Variants in STK39 observed in about 807,000 individuals in gnomAD.
The protein encoded by STK39 is STE20/SPS1-related proline-alanine-rich protein kinase.
A neutral mutation model predicts 77.8 loss-of-function variants in STK39; 20 were observed. That is an observed-to-expected ratio of 0.26 (90% confidence interval 0.18 to 0.37). The LOEUF (loss-of-function observed/expected upper bound fraction) is 0.37. Among genes scored for constraint, STK39 ranks in the 10% least tolerant of loss-of-function variants. The probability of loss-of-function intolerance (pLI) is 1.00; values close to 1 mark genes in which losing one functional copy is unlikely to be tolerated. For missense variants in STK39, 479 were observed against 656.5 expected (o/e 0.73, Z 2.95); for synonymous variants, 246 against 234.1 (o/e 1.05, Z -0.47).
At chr2:168,186,992 C>T (rs1278718602) in intron 1 of STK39, among the ~76,000 whole-genome samples, 3 of 152,182 alleles carry the variant, frequency 2.0e-5, no homozygotes, top group Non-Finnish European at 4.4e-5. Flanking sequence ...AATTCAGAAA[C>T]AGCTGTGAAT....
At chr2:168,089,467 A>G (rs1287279345) in intron 10 of STK39, among the ~76,000 whole-genome samples, 2 of 152,238 alleles carry the variant, frequency 1.3e-5, no homozygotes, top group African/African-American at 2.4e-5. Context: ...CAATGGAAGG[A>G]TAAGTTGCCT....
At chr2:168,172,728 G>GT (rs1410673823) in intron 2 of STK39, among the ~76,000 whole-genome samples, 1 of 152,098 alleles carries the variant, frequency 6.6e-6, no homozygotes, top group Non-Finnish European at 1.5e-5. Context: ...CCAAATTTGC[G>GT]TATTTTACAA....
intron 16 of STK39, among the ~76,000 whole-genome samples, chr2:167,978,190 CAG>C (rs1461427813): frequency 6.6e-6 from 1 of 152,166 alleles, no homozygotes; most frequent in African/African-American, 2.4e-5. Context: ...TCTTGGCAGA[CAG>C]AGGCTGCATG....
chr2:168,205,305 C>T (rs1327652912), intron 1 of STK39, among the ~76,000 whole-genome samples: 1 of 152,122 alleles, frequency 6.6e-6, no homozygotes, highest in African/African-American at 2.4e-5. Context: ...TGTGAGTATA[C>T]AGGAAACACC....
intron 16 of STK39, among the ~76,000 whole-genome samples, chr2:167,991,441 G>C (rs1028724511): frequency 4.6e-5 from 7 of 152,160 alleles, no homozygotes; most frequent in Non-Finnish European, 1.0e-4. Context: ...TTATCTGATG[G>C]GGGTGGAAGA....
At chr2:168,245,724 G>A (rs1690880907) in intron 1 of STK39, among the ~76,000 whole-genome samples, 1 of 152,138 alleles carries the variant, frequency 6.6e-6, no homozygotes, top group East Asian at 1.9e-4. Context: ...GAGGGTACAG[G>A]GCCTATATGC....
At chr2:168,003,925 AAATATGTTCAC>A (rs1559052757) in intron 16 of STK39, among the ~76,000 whole-genome samples, 1 of 152,248 alleles carries the variant, frequency 6.6e-6, no homozygotes, top group Non-Finnish European at 1.5e-5. Context: ...ATATGAGATG[AAATATGTTCAC>A]TGTTTTCCAA....
intron 16 of STK39, among the ~76,000 whole-genome samples, chr2:167,971,360 G>A (rs1559038932): frequency 6.6e-6 from 1 of 152,106 alleles, no homozygotes; most frequent in Non-Finnish European, 1.5e-5. Context: ...GAAAGAAACT[G>A]GTAGCAAATG....
At chr2:168,039,484 C>T (rs191685400) in intron 14 of STK39, among the ~76,000 whole-genome samples, 6,683 of 68,742 alleles carry the variant, frequency 0.097, 2,567 homozygotes, top group East Asian at 0.36. Flanking sequence ...CCCAGCTACT[C>T]GGGAGGCTGA....
At chr2:168,138,362 G>T in intron 7 of STK39, 141 bp from the exon 8 acceptor site, 1 of 1,203,254 alleles carries the variant, frequency 8.3e-7, no homozygotes, top group Non-Finnish European at 1.1e-6. Flanking sequence ...TGCAGAAATT[G>T]TGTATTTAAA....
intron 14 of STK39, among the ~76,000 whole-genome samples, chr2:168,020,331 C>A (rs973671721): frequency 8.5e-5 from 13 of 152,126 alleles, no homozygotes; most frequent in Non-Finnish European, 1.5e-4. Flanking sequence ...GTTTTGTAAA[C>A]CTCTGTAATA....
intron 1 of STK39, among the ~76,000 whole-genome samples, chr2:168,202,369 G>A (rs1027186072): frequency 1.5e-4 from 23 of 152,198 alleles, no homozygotes; most frequent in Middle Eastern, 3.4e-3. Flanking sequence ...CTTCTTACAC[G>A]TGCTACTTAT....
intron 10 of STK39, among the ~76,000 whole-genome samples, chr2:168,107,462 G>A (rs532201575): frequency 6.6e-6 from 1 of 152,148 alleles, no homozygotes; most frequent in Non-Finnish European, 1.5e-5. Flanking sequence ...ATTATATTTA[G>A]TGCATGACAA....
intron 14 of STK39, among the ~76,000 whole-genome samples, chr2:168,032,101 G>A (rs1452834495): frequency 1.3e-5 from 2 of 152,174 alleles, no homozygotes; most frequent in Middle Eastern, 3.2e-3. Flanking sequence ...AAACCCTTGT[G>A]CTTATTCATG....
chr2:167,956,694 A>ACACACACACACC (rs1691782956), intron 17 of STK39, among the ~76,000 whole-genome samples: 1 of 41,726 alleles, frequency 2.4e-5, no homozygotes, highest in Non-Finnish European at 5.0e-5. Flanking sequence ...ACACACACAC[A>ACACACACACACC]CACTCTCTCT....
At chr2:168,048,298 C>T (rs941482536) in intron 14 of STK39, among the ~76,000 whole-genome samples, 4 of 151,774 alleles carry the variant, frequency 2.6e-5, no homozygotes, top group African/African-American at 7.3e-5. Flanking sequence ...CTGCAACCTC[C>T]GCCTCCCAGG....
intron 10 of STK39, among the ~76,000 whole-genome samples, chr2:168,126,527 T>C (rs1159082083): frequency 6.6e-6 from 1 of 152,214 alleles, no homozygotes; most frequent in African/African-American, 2.4e-5. Context: ...ATGATCATGG[T>C]TGTTTATCAG....
chr2:168,127,400 C>T lies in STK39; in HGVS notation c.1089+2141G>A, dbSNP rs141170690. Among the ~76,000 whole-genome samples, 820 of 152,306 alleles carry T rather than the reference C, an allele frequency of 5.4e-3. 5 individuals are homozygous for T. The highest frequency in any genetic ancestry group is 0.019 in the African/African-American group (774 of 41,562). ...TCCCGACCTTGTGATTCACCTGCCT[C>T]GGCCTCCCAAAGTACTAGGATTACA... On this transcript the variant is annotated intron_variant, in intron 10 of 17. Coordinates refer to ENST00000355999, the MANE Select transcript of STK39 (RefSeq NM_013233.3).
chr2:168,180,414 C>T (rs1299479338), intron 2 of STK39, among the ~76,000 whole-genome samples: 1 of 151,384 alleles, frequency 6.6e-6, no homozygotes, highest in African/African-American at 2.4e-5. Context: ...CCAAACAGTA[C>T]ATATATTTAA....
Sources: allele counts gnomAD v4.1 joint callset (sites outside exome capture counted in the v4.1 genomes callset), GRCh38; gene constraint gnomAD v4.1.1; transcripts MANE v1.5; gene names NCBI Gene and HGNC (gene_info 2026-07-23, HGNC 2026-07-21).